CDH9: variants seen among roughly 807,000 people sequenced by gnomAD.
The protein encoded by CDH9 is cadherin-9.
A neutral mutation model predicts 70.9 loss-of-function variants in CDH9; 28 were observed. The observed-to-expected ratio is 0.40, with a 90% CI of 0.29 to 0.54. The LOEUF is 0.54. CDH9 is among the 20% of genes least tolerant of loss of function. The pLI is 0.59. For synonymous variants in CDH9, 409 were observed against 343.1 expected (o/e 1.19, Z -2.12); for missense variants, 874 against 984.4 (o/e 0.89, Z 1.50).
At position 26,988,298 on chromosome 5, in the gene CDH9, C is replaced by G. The variant is rs1463978317; in HGVS notation, c.36G>C (p.Trp12Cys). 2.5e-6 allele frequency: 4 copies of G among 1,613,028 alleles called. No homozygotes were observed. The East Asian group carries it at 8.9e-5, about 36-fold the overall frequency. The change falls in exon 2 of 12, where the codon TGG becomes TGC. Residue 12 changes from tryptophan to cysteine, a missense_variant. Physicochemically the swap from Trp to Cys is radical, Grantham distance 215. Transcript: ENST00000231021. ...TGTCAACTGTATGGAACATATAGGT[C>G]CAGATGAATAATGGTATATAATGGT... is the stretch of plus-strand genomic sequence containing the variant. ...RTYHYIPLFI[W>C]TYMFHTVDTI...
chr5:26,972,054 G>A (rs760750321), intron 2 of CDH9, among the ~76,000 whole-genome samples: 3 of 152,094 alleles, frequency 2.0e-5, no homozygotes, highest in Non-Finnish European at 4.4e-5. Context: ...TAAAAGAATG[G>A]CAATCTAGAT....
At chr5:26,892,771 C>A (rs1740682309) in intron 7 of CDH9, among the ~76,000 whole-genome samples, 2 of 152,106 alleles carry the variant, frequency 1.3e-5, no homozygotes, top group African/African-American at 4.8e-5. Flanking sequence ...CACTCTCTCG[C>A]CCAGGCTGCA....
chr5:26,988,187 A>G lies in CDH9; in HGVS notation c.147T>C (p.Arg49=), dbSNP rs1742519009. The part of the protein sequence containing the change: ...GLTKDDGKML[R]RTKRGWMWNQ... ...TCCACATCCAGCCACGCTTGGTGCGACGTAGCATTTTACCGTCATCTTTTG... is the reference window on the plus strand; with the variant it reads ...TCCACATCCAGCCACGCTTGGTGCGGCGTAGCATTTTACCGTCATCTTTTG... The change falls in exon 2 of 12, where the codon CGT becomes CGC. Residue 49 remains arginine, a synonymous_variant. Transcript: ENST00000231021. 2 of 1,613,536 alleles carry G rather than the reference A, an allele frequency of 1.2e-6. No individual in the cohort carries two copies. The highest frequency in any genetic ancestry group is 2.7e-5 in the African/African-American group (2 of 75,026).
chr5:27,015,729 C>T (rs1215484561), intron 1 of CDH9, among the ~76,000 whole-genome samples: 2 of 151,764 alleles, frequency 1.3e-5, no homozygotes, highest in Non-Finnish European at 3.0e-5. Context: ...ATGCACTCTG[C>T]CAAACACTTC....
chr5:26,922,700 A>T (rs1377281742), intron 2 of CDH9, among the ~76,000 whole-genome samples: 4 of 152,106 alleles, frequency 2.6e-5, no homozygotes, highest in Non-Finnish European at 5.9e-5. Flanking sequence ...ACAGAATATT[A>T]TAACATATTA....
intron 2 of CDH9, among the ~76,000 whole-genome samples, chr5:26,952,024 A>C (rs893499073): frequency 7.0e-6 from 1 of 142,994 alleles, no homozygotes; most frequent in Non-Finnish European, 1.5e-5. Context: ...TCTGTTGCCC[A>C]GGCTGGAGTG....
rs368100096 is a variant in CDH9 at position 27,037,058 on chromosome 5, G to A, written c.-50+1405C>T. On this transcript the variant is annotated intron_variant, in intron 1 of 11. Transcript: ENST00000231021. ...AGGCAATGATGTAGTGTCTGAATGTGGAAAATAGGATTCTTCTTCTGCAGA... is the reference window on the plus strand; with the variant it reads ...AGGCAATGATGTAGTGTCTGAATGTAGAAAATAGGATTCTTCTTCTGCAGA... 2.0e-5 allele frequency among the ~76,000 whole-genome samples: 3 copies of A among 151,910 alleles called. 1 individual carries two copies. Among genetic ancestry groups the A allele is most frequent in the African/African-American group, 7.2e-5 (3 of 41,414 alleles).
Position 26,976,557 on chromosome 5 carries a change from C to T in CDH9, c.228+11549G>A, listed in dbSNP as rs1040598292. Among the ~76,000 whole-genome samples, 5 of 152,088 alleles carry T rather than the reference C, an allele frequency of 3.3e-5. No homozygotes were observed. In the South Asian group the frequency reaches 1.0e-3, roughly 32 times the overall value. ...GGCTCAAGCAATCCTCCCACCTCAG[C>T]CTCCCAAAGAGCTGAGACCACAGGC... On this transcript the variant is annotated intron_variant, in intron 2 of 11. Transcript: ENST00000231021.
intron 5 of CDH9, 148 bp downstream of exon 5, chr5:26,905,810 TG>T (rs1740935400): frequency 9.6e-6 from 5 of 520,942 alleles, no homozygotes; most frequent in Non-Finnish European, 1.6e-5. Context: ...TGGGAAATTG[TG>T]TTTTTTTTTT....
chr5:26,935,051 G>A (rs1741535303), intron 2 of CDH9, among the ~76,000 whole-genome samples: 1 of 152,032 alleles, frequency 6.6e-6, no homozygotes, highest in South Asian at 2.1e-4. Flanking sequence ...CCAATTGGGG[G>A]TTATTCCAGG....
intron 2 of CDH9, among the ~76,000 whole-genome samples, chr5:26,927,678 A>G (rs1741366713): frequency 6.6e-6 from 1 of 152,010 alleles, no homozygotes; most frequent in Non-Finnish European, 1.5e-5. Context: ...AGTTCTTAGG[A>G]TTTTGCACTA....
chr5:26,991,317 T>A (rs1348155362), intron 1 of CDH9, among the ~76,000 whole-genome samples: 1 of 152,200 alleles, frequency 6.6e-6, no homozygotes, highest in Non-Finnish European at 1.5e-5. Context: ...CCCCTGCAAC[T>A]GTCTTTGAAC....
chr5:26,933,343 T>A (rs1352276609), intron 2 of CDH9, among the ~76,000 whole-genome samples: 1 of 151,646 alleles, frequency 6.6e-6, no homozygotes, highest in Non-Finnish European at 1.5e-5. Flanking sequence ...AAAATATTTG[T>A]TTTTGTTAAG....
At chr5:26,894,422 T>C (rs1386894545) in intron 7 of CDH9, among the ~76,000 whole-genome samples, 1 of 152,084 alleles carries the variant, frequency 6.6e-6, no homozygotes, top group Non-Finnish European at 1.5e-5. Flanking sequence ...TCTGGCCACC[T>C]TACTCTTAGG....
intron 2 of CDH9, among the ~76,000 whole-genome samples, chr5:26,972,659 T>C (rs568399843): frequency 1.4e-4 from 21 of 152,270 alleles, no homozygotes; most frequent in African/African-American, 5.1e-4. Context: ...GTACTTTCTC[T>C]AGTGGATGCT....
chr5:26,978,249 A>AC (rs1742338231), intron 2 of CDH9, among the ~76,000 whole-genome samples: 1 of 152,020 alleles, frequency 6.6e-6, no homozygotes, highest in African/African-American at 2.4e-5. Flanking sequence ...ACAAAGACTT[A>AC]TAAATAATTG....
intron 2 of CDH9, among the ~76,000 whole-genome samples, chr5:26,948,582 A>G (rs7728417): frequency 6.6e-6 from 1 of 152,186 alleles, no homozygotes; most frequent in Admixed American, 6.5e-5. Flanking sequence ...ACATGAGAGA[A>G]TGCATTTACA....
chr5:26,915,513 T>TTAACAGTTA lies in CDH9; in HGVS notation c.523+108_523+116dup, dbSNP rs1217469989. On this transcript the variant is annotated intron_variant, in intron 3 of 11. Transcript: ENST00000231021. ...AGAGCTAGTTTAAGCTAAATAGTAG[T>TTAACAGTTA]TAACAGTTATAACTCTTATTCTGAA... 3 of 633,082 alleles carry TTAACAGTTA rather than the reference T, an allele frequency of 4.7e-6. No homozygotes were observed. The Admixed American group carries it at 8.0e-5, about 17-fold the overall frequency. 39.2% of individuals were successfully genotyped at this position (633,082 alleles called of 1,614,324 possible). A position where few individuals can be genotyped will look rare whatever the true frequency, so the allele number is the denominator to read the frequency against.
At chr5:26,978,407 G>A (rs977152908) in intron 2 of CDH9, among the ~76,000 whole-genome samples, 1 of 151,730 alleles carries the variant, frequency 6.6e-6, no homozygotes, top group Non-Finnish European at 1.5e-5. Flanking sequence ...TATAATGGTA[G>A]ATTAGACACA....
Sources: gnomAD v4.1 joint callset for allele counts (sites outside exome capture counted in the v4.1 genomes callset) on GRCh38, gnomAD v4.1.1 for gene constraint, MANE v1.5 for transcripts, NCBI Gene and HGNC (gene_info 2026-07-23, HGNC 2026-07-21) for gene names.